Variants in CDH13 observed in about 807,000 individuals in gnomAD.
CDH13 encodes the protein cadherin 13.
Under a neutral mutation model 63.8 loss-of-function variants are expected in CDH13, and 24 were observed. That is an observed-to-expected ratio of 0.38 (90% CI 0.27 to 0.53). The LOEUF (loss-of-function observed/expected upper bound fraction) is 0.53, where lower values mean the gene tolerates loss of function less well. Ranked by LOEUF, CDH13 falls within the 20% of genes least tolerant of loss-of-function variation. The pLI, the probability that CDH13 is intolerant of heterozygous loss-of-function variation, is 0.85. For missense variants in CDH13, 1,049 were observed against 903.1 expected (o/e 1.16, Z -2.07); for synonymous variants, 503 against 355.3 (o/e 1.42, Z -4.67).
chr16:83,512,013 C>T (rs2074577742), intron 7 of CDH13, among the ~76,000 whole-genome samples: 2 of 152,086 alleles, frequency 1.3e-5, no homozygotes, highest in Non-Finnish European at 2.9e-5. Context: ...GCATTAGAAA[C>T]TAGCTTTTTT....
intron 6 of CDH13, among the ~76,000 whole-genome samples, chr16:83,427,393 A>G (rs1052050871): frequency 6.6e-6 from 1 of 152,090 alleles, no homozygotes; most frequent in African/African-American, 2.4e-5. Flanking sequence ...AGTTAGAGTG[A>G]TGCAGCCCTG....
intron 3 of CDH13, among the ~76,000 whole-genome samples, chr16:83,040,714 G>T (rs890665531): frequency 6.6e-6 from 1 of 152,084 alleles, no homozygotes; most frequent in Non-Finnish European, 1.5e-5. Flanking sequence ...AAACACCGGG[G>T]AACAATATTT....
intron 1 of CDH13, among the ~76,000 whole-genome samples, chr16:82,847,803 G>C (rs1434314054): frequency 6.6e-6 from 1 of 152,100 alleles, no homozygotes; most frequent in Non-Finnish European, 1.5e-5. Context: ...CCAAAAGCCA[G>C]AGAAATCACC....
chr16:83,288,727 T>G (rs1051621640), intron 5 of CDH13, among the ~76,000 whole-genome samples: 1 of 152,242 alleles, frequency 6.6e-6, no homozygotes, highest in African/African-American at 2.4e-5. Flanking sequence ...AAAATTATTT[T>G]GCCTTTCATA....
At chr16:82,997,950 T>C (rs1253131159) in intron 2 of CDH13, among the ~76,000 whole-genome samples, 1 of 152,208 alleles carries the variant, frequency 6.6e-6, no homozygotes, top group African/African-American at 2.4e-5. Flanking sequence ...CTCATATAAA[T>C]AATATATTTA....
intron 3 of CDH13, among the ~76,000 whole-genome samples, chr16:83,109,091 G>A (rs16959291): frequency 0.073 from 11,169 of 152,260 alleles, 442 homozygotes; most frequent in Non-Finnish European, 0.082. Flanking sequence ...TTGAGGTCCT[G>A]GTTGTCCTGA....
intron 5 of CDH13, among the ~76,000 whole-genome samples, chr16:83,314,145 T>G (rs1307280707): frequency 6.6e-6 from 1 of 152,232 alleles, no homozygotes; most frequent in Non-Finnish European, 1.5e-5. Context: ...CTATGCATGT[T>G]GTGTCTAGTA....
chr16:83,258,834 C>T (rs551798545), intron 5 of CDH13, among the ~76,000 whole-genome samples: 1 of 152,298 alleles, frequency 6.6e-6, no homozygotes, highest in South Asian at 2.1e-4. Context: ...GTGACCAGTC[C>T]TTATACTCTC....
At chr16:82,791,539 C>G (rs2036305068) in intron 1 of CDH13, among the ~76,000 whole-genome samples, 1 of 152,168 alleles carries the variant, frequency 6.6e-6, no homozygotes, top group Non-Finnish European at 1.5e-5. Context: ...TTAAATCTTG[C>G]AAGTGAACAC....
chr16:82,882,644 TC>T (rs764307177), intron 2 of CDH13, among the ~76,000 whole-genome samples: 21 of 152,102 alleles, frequency 1.4e-4, no homozygotes, highest in Non-Finnish European at 2.5e-4. Flanking sequence ...CTATCACCCT[TC>T]CTTCTTTCCG....
At chr16:82,672,045 T>G (rs1258308975) in intron 1 of CDH13, among the ~76,000 whole-genome samples, 1 of 152,068 alleles carries the variant, frequency 6.6e-6, no homozygotes, top group African/African-American at 2.4e-5. Flanking sequence ...TTAGCTTCTC[T>G]TCTACACTCT....
At chr16:82,672,804 C>CACAT (rs1555531885) in intron 1 of CDH13, among the ~76,000 whole-genome samples, 143 of 132,400 alleles carry the variant, frequency 1.1e-3, no homozygotes, top group Middle Eastern at 7.8e-3. Context: ...CACACACATA[C>CACAT]ACACACACAC....
intron 4 of CDH13, among the ~76,000 whole-genome samples, chr16:83,195,057 C>T (rs1197599184): frequency 1.3e-5 from 2 of 152,074 alleles, no homozygotes; most frequent in African/African-American, 2.4e-5. Context: ...AACCCCTTTC[C>T]TGGGTGTCTA....
At chr16:83,190,825 A>G (rs1387042576) in intron 4 of CDH13, among the ~76,000 whole-genome samples, 1 of 152,096 alleles carries the variant, frequency 6.6e-6, no homozygotes, top group African/African-American at 2.4e-5. Flanking sequence ...GCTCAACCAA[A>G]CAGCCAATTG....
At chr16:83,417,293 C>A (rs75330620) in intron 6 of CDH13, among the ~76,000 whole-genome samples, 1 of 152,172 alleles carries the variant, frequency 6.6e-6, no homozygotes, top group African/African-American at 2.4e-5. Context: ...AGAACAGCCT[C>A]CCTTTCCGGT....
Position 83,258,823 on chromosome 16 carries a change from C to T in CDH13, c.636+41326C>T, listed in dbSNP as rs75977401. 2.1e-3 allele frequency among the ~76,000 whole-genome samples: 320 copies of T among 152,284 alleles called. 4 individuals are homozygous for T. The East Asian group carries it at 0.035, about 17-fold the overall frequency. On this transcript the variant is annotated intron_variant, in intron 5 of 13. Coordinates refer to ENST00000567109, the MANE Select transcript of CDH13 (RefSeq NM_001257.5). ...ATCGTGACGCTATAAATAACAGGCA[C>T]GTGACCAGTCCTTATACTCTCATTT...
At chr16:83,606,349 A>G (rs1317627161) in intron 8 of CDH13, among the ~76,000 whole-genome samples, 1 of 152,124 alleles carries the variant, frequency 6.6e-6, no homozygotes, top group Non-Finnish European at 1.5e-5. Context: ...TGTTTTTGAA[A>G]TCTATATAAA....
At chr16:83,015,724 A>G (rs572602185) in intron 2 of CDH13, among the ~76,000 whole-genome samples, 7 of 49,096 alleles carry the variant, frequency 1.4e-4, no homozygotes, top group East Asian at 7.9e-4. Flanking sequence ...TATATATATA[A>G]AGAAAAAGCA....
chr16:83,420,250 G>C (rs1026937944), intron 6 of CDH13, among the ~76,000 whole-genome samples: 4 of 152,298 alleles, frequency 2.6e-5, no homozygotes, highest in African/African-American at 4.8e-5. Flanking sequence ...TTAAAAATAT[G>C]ACTGAGGTAG....
Sources: allele counts gnomAD v4.1 joint callset (sites outside exome capture counted in the v4.1 genomes callset), GRCh38; gene constraint gnomAD v4.1.1; transcripts MANE v1.5; gene names NCBI Gene and HGNC (gene_info 2026-07-23, HGNC 2026-07-21).